The following RAB3B variants were observed in gnomAD, a reference collection of about 807,000 sequenced individuals.
RAB3B encodes ras-related protein Rab-3B.
RAB3B carries 11 observed loss-of-function variants against 20.5 expected under a neutral mutation model. That is an observed-to-expected ratio of 0.54 (90% confidence interval 0.34 to 0.89). The LOEUF (loss-of-function observed/expected upper bound fraction) is 0.89, where lower values mean the gene tolerates loss of function less well. Ranked by LOEUF, RAB3B falls within the 40% of genes least tolerant of loss-of-function variation. The probability of loss-of-function intolerance (pLI) is 0.02; values close to 1 mark genes in which losing one functional copy is unlikely to be tolerated. For synonymous variants in RAB3B, 99 were observed against 106.3 expected, an observed-to-expected ratio of 0.93 and a Z score of 0.42; for missense variants, 225 against 280.9, an observed-to-expected ratio of 0.80 and a Z score of 1.42.
rs1226052412 is a variant in RAB3B at position 51,908,021 on chromosome 1, T to G, written c.*11906A>C. 1 of 152,082 alleles carries G rather than the reference T, an allele frequency of 6.6e-6. No individual in the cohort carries two copies. The highest frequency in any genetic ancestry group is 1.5e-5 in the Non-Finnish European group (1 of 68,008). 9.4% of individuals were successfully genotyped at this position (152,082 alleles called of 1,614,324 possible). A position where few individuals can be genotyped will look rare whatever the true frequency, so the allele number is the denominator to read the frequency against. On this transcript the variant is annotated 3_prime_UTR_variant, in exon 5 of 5. Transcript: ENST00000371655. ...ACTATAATAGAGATAGAAGATACAT[T>G]AAGAAAATTCAGTTTGTATCAATAA... is the stretch of plus-strand genomic sequence containing the variant.
At chr1:51,932,776 A>T (rs189378671) in intron 4 of RAB3B, among the ~76,000 whole-genome samples, 32 of 152,296 alleles carry the variant, frequency 2.1e-4, no homozygotes, top group Admixed American at 1.8e-3. Context: ...TCTCTGGAAT[A>T]ATGGGTTTGT....
At chr1:51,922,749 T>G (rs1039948415) in intron 4 of RAB3B, among the ~76,000 whole-genome samples, 2 of 151,836 alleles carry the variant, frequency 1.3e-5, no homozygotes, top group African/African-American at 2.4e-5. Flanking sequence ...CAGGCTGGAG[T>G]GCAGTGGCAC....
intron 2 of RAB3B, among the ~76,000 whole-genome samples, chr1:51,968,623 C>T (rs1684887866): frequency 2.0e-5 from 3 of 152,166 alleles, no homozygotes; most frequent in Admixed American, 2.0e-4. Context: ...TCCCACATTC[C>T]TACACTCCCT....
At chr1:51,936,458 A>G (rs1684405186) in intron 3 of RAB3B, among the ~76,000 whole-genome samples, 2 of 152,210 alleles carry the variant, frequency 1.3e-5, no homozygotes, top group African/African-American at 4.8e-5. Flanking sequence ...CTGGAGCTAC[A>G]GTAATCTTCC....
intron 1 of RAB3B, among the ~76,000 whole-genome samples, chr1:51,986,079 G>T (rs186355874): frequency 2.0e-5 from 3 of 152,150 alleles, no homozygotes; most frequent in Admixed American, 2.0e-4. Flanking sequence ...TGCCAAAATG[G>T]GAAAATCACT....
rs948170283 is a variant in RAB3B at position 51,954,912 on chromosome 1, G to A, written c.229-17500C>T. ...GGAAGTGAGGCTGTAGCTAGATCAC[G>A]GAGGTCTTGAATGCCAGGTCAAGGT... On this transcript the variant is annotated intron_variant, in intron 2 of 4. Coordinates refer to ENST00000371655, the MANE Select transcript of RAB3B (RefSeq NM_002867.4). Among the ~76,000 whole-genome samples, 6 of 152,352 alleles carry A rather than the reference G, an allele frequency of 3.9e-5. No homozygotes were observed. The South Asian group carries it at 6.2e-4, about 16-fold the overall frequency.
rs893208039 is a variant in RAB3B, at chr1:51,914,679, T to C, written c.*5248A>G. The stretch of plus-strand genomic sequence containing the variant: ...CACGGACTAGTGTTTTGCATTTACT[T>C]CCAGCCACAGGATGCTACTTGATTC... On this transcript the variant is annotated 3_prime_UTR_variant, in exon 5 of 5. Coordinates refer to ENST00000371655, the MANE Select transcript of RAB3B (RefSeq NM_002867.4). The C allele has an allele frequency of 1.3e-5, 2 of 152,214 alleles. No individual in the cohort carries two copies. Among genetic ancestry groups the C allele is most frequent in the African/African-American group, 4.8e-5 (2 of 41,450 alleles). The allele number at this position is 152,214 out of a possible 1,614,324, so 9.4% of individuals were successfully genotyped here. A position where few individuals can be genotyped will look rare whatever the true frequency, so the allele number is the denominator to read the frequency against.
In RAB3B at chr1:51,909,472, C is replaced by CAA. The variant is rs1171927294; in HGVS notation, c.*10454_*10455insTT. ...ATGCTGCAAAGTCAGGACTCAAACC[C>CAA]AGGTCTCTGGAATCCTGGTTTTCTG... On this transcript the variant is annotated 3_prime_UTR_variant, in exon 5 of 5. Coordinates refer to ENST00000371655, the MANE Select transcript of RAB3B (RefSeq NM_002867.4). 1 of 152,106 alleles carries CAA rather than the reference C, an allele frequency of 6.6e-6. No individual in the cohort carries two copies. Among genetic ancestry groups the CAA allele is most frequent in the East Asian group, 1.9e-4 (1 of 5,186 alleles). The allele number at this position is 152,106 out of a possible 1,614,324, so 9.4% of individuals were successfully genotyped here.
Position 51,914,000 on chromosome 1 carries a change from C to A in RAB3B, c.*5927G>T, listed in dbSNP as rs1355011638. ...CAGCCCCAGTCATCTCAGCTGGGAC[C>A]CCAGACATGTGGATGTAGCTATCCT... On this transcript the variant is annotated 3_prime_UTR_variant, in exon 5 of 5. Transcript: ENST00000371655. 6.6e-6 allele frequency: 1 copy of A among 152,200 alleles called. No individual in the cohort carries two copies. The highest frequency in any genetic ancestry group is 1.5e-5 in the Non-Finnish European group (1 of 68,080). 9.4% of individuals were successfully genotyped at this position (152,200 alleles called of 1,614,324 possible).
chr1:51,935,187 A>C (rs767677284), intron 3 of RAB3B, among the ~76,000 whole-genome samples: 6 of 152,242 alleles, frequency 3.9e-5, no homozygotes, highest in Admixed American at 6.5e-5. Flanking sequence ...CTCTACCCTG[A>C]CACTGACAAC....
chr1:51,983,881 A>C (rs2124319965), intron 1 of RAB3B, among the ~76,000 whole-genome samples: 1 of 152,030 alleles, frequency 6.6e-6, no homozygotes, highest in South Asian at 2.1e-4. Flanking sequence ...AATTGCTTGA[A>C]CCCAGGAGGC....
intron 4 of RAB3B, among the ~76,000 whole-genome samples, chr1:51,926,273 CCT>C (rs1684242935): frequency 6.6e-6 from 1 of 152,210 alleles, no homozygotes; most frequent in African/African-American, 2.4e-5. Flanking sequence ...AACCCATTCA[CCT>C]CTGTGTCCCC....
In RAB3B at chr1:51,916,011, A is replaced by G. The variant is rs1042765449; in HGVS notation, c.*3916T>C. 6.6e-6 allele frequency: 1 copy of G among 152,246 alleles called. No homozygotes were observed. Among genetic ancestry groups the G allele is most frequent in the African/African-American group, 2.4e-5 (1 of 41,464 alleles). 9.4% of individuals were successfully genotyped at this position (152,246 alleles called of 1,614,324 possible). On this transcript the variant is annotated 3_prime_UTR_variant, in exon 5 of 5. Coordinates refer to ENST00000371655, the MANE Select transcript of RAB3B (RefSeq NM_002867.4). Reference sequence around the variant, plus strand: ...CCAGCCAGAAGTCAAGAGTTTTTAAATATTTTATTTGGATTGTTGAGGAAG... The same window carrying G: ...CCAGCCAGAAGTCAAGAGTTTTTAAGTATTTTATTTGGATTGTTGAGGAAG...
chr1:51,987,467 A>C (rs1246872535), intron 1 of RAB3B, among the ~76,000 whole-genome samples: 1 of 152,154 alleles, frequency 6.6e-6, no homozygotes, highest in Non-Finnish European at 1.5e-5. Flanking sequence ...AGGGTGTTTT[A>C]TTAACCCCTT....
intron 1 of RAB3B, among the ~76,000 whole-genome samples, chr1:51,980,260 T>C (rs929614527): frequency 6.6e-6 from 1 of 151,892 alleles, no homozygotes; most frequent in African/African-American, 2.4e-5. Flanking sequence ...GAGACCCCAT[T>C]TCTACAAAAA....
At chr1:51,976,849 C>A in intron 2 of RAB3B, 41 bp downstream of exon 2, 1 of 1,574,456 alleles carries the variant, frequency 6.4e-7, no homozygotes, top group East Asian at 2.2e-5. Flanking sequence ...GCAGGCCAGC[C>A]GCTTCTCAGG....
At chr1:51,930,850 T>C (rs1415875195) in intron 4 of RAB3B, among the ~76,000 whole-genome samples, 7 of 152,004 alleles carry the variant, frequency 4.6e-5, no homozygotes, top group Non-Finnish European at 2.9e-5. Context: ...ACCCCGTCTC[T>C]ACTGAAAATA....
At chr1:51,989,138 C>G (rs1685188973) in intron 1 of RAB3B, among the ~76,000 whole-genome samples, 2 of 151,070 alleles carry the variant, frequency 1.3e-5, no homozygotes, top group African/African-American at 2.4e-5. Flanking sequence ...CACACATCCT[C>G]TCCTTTTACT....
intron 3 of RAB3B, 145 bp from the exon 4 acceptor site, chr1:51,933,587 G>A: frequency 1.4e-6 from 1 of 707,328 alleles, no homozygotes; most frequent in South Asian, 2.0e-5. Flanking sequence ...TTATGTCAAT[G>A]AGGCTAGAGT....
Sources: gnomAD v4.1 joint callset for allele counts (sites outside exome capture counted in the v4.1 genomes callset) on GRCh38, gnomAD v4.1.1 for gene constraint, MANE v1.5 for transcripts, NCBI Gene and HGNC (gene_info 2026-07-23, HGNC 2026-07-21) for gene names.